STPG2: variants seen among roughly 807,000 people sequenced by gnomAD.
STPG2 encodes the protein sperm-tail PG-rich repeat-containing protein 2.
STPG2 carries 56 observed loss-of-function variants against 54.2 expected under a neutral mutation model. That is an observed-to-expected ratio of 1.03 (90% confidence interval 0.83 to 1.29). The LOEUF (loss-of-function observed/expected upper bound fraction) is 1.29, where lower values mean the gene tolerates loss of function less well. STPG2 is among the 50% of genes most tolerant of loss of function. STPG2 has a pLI of 0.00. For synonymous variants in STPG2, 200 were observed against 181.8 expected (o/e 1.10, Z -0.81); for missense variants, 596 against 544.9 (o/e 1.09, Z -0.93).
At chr4:97,540,487 C>T (rs993823092) in intron 4 of STPG2, among the ~76,000 whole-genome samples, 2 of 152,090 alleles carry the variant, frequency 1.3e-5, no homozygotes, top group South Asian at 4.1e-4. Flanking sequence ...TAATTAATAG[C>T]TTACCAACCA....
chr4:97,991,873 T>C (rs1735029024), intron 5 of STPG2, among the ~76,000 whole-genome samples: 1 of 152,218 alleles, frequency 6.6e-6, no homozygotes, highest in South Asian at 2.1e-4. Context: ...TCAGCATTTT[T>C]TCATATGTTT....
chr4:97,951,067 T>C (rs1403978898), intron 7 of STPG2, among the ~76,000 whole-genome samples: 1 of 152,170 alleles, frequency 6.6e-6, no homozygotes, highest in Non-Finnish European at 1.5e-5. Context: ...TTATCTGGTC[T>C]TGTGGCCCCC....
chr4:97,866,791 T>C (rs1729798319), intron 8 of STPG2, among the ~76,000 whole-genome samples: 2 of 151,948 alleles, frequency 1.3e-5, no homozygotes, highest in South Asian at 4.1e-4. Context: ...TTCAAATGCA[T>C]TTGTGTAAGC....
intron 9 of STPG2, among the ~76,000 whole-genome samples, chr4:97,742,348 A>AAAACTT (rs1451675040): frequency 6.6e-6 from 1 of 151,698 alleles, no homozygotes; most frequent in Non-Finnish European, 1.5e-5. Context: ...CATGTACCCT[A>AAAACTT]AAACTTAAAG....
At chr4:97,506,983 T>A (rs1177727136) in intron 4 of STPG2, among the ~76,000 whole-genome samples, 1 of 151,976 alleles carries the variant, frequency 6.6e-6, no homozygotes, top group Non-Finnish European at 1.5e-5. Context: ...AAGACTTGAA[T>A]TTTTTTACAA....
chr4:97,855,024 T>C (rs571322466), intron 8 of STPG2, among the ~76,000 whole-genome samples: 2 of 152,268 alleles, frequency 1.3e-5, no homozygotes, highest in East Asian at 3.9e-4. Context: ...GTTCTAGGGG[T>C]AGATTGCTGA....
intron 5 of STPG2, among the ~76,000 whole-genome samples, chr4:98,002,998 T>A (rs1735459110): frequency 6.6e-6 from 1 of 152,090 alleles, no homozygotes; most frequent in Non-Finnish European, 1.5e-5. Flanking sequence ...TGCAACTCAA[T>A]GGTGGGCAGC....
chr4:97,454,795 G>A (rs1342472639), intron 4 of STPG2, among the ~76,000 whole-genome samples: 1 of 151,726 alleles, frequency 6.6e-6, no homozygotes, highest in Non-Finnish European at 1.5e-5. Context: ...TATTTATGTT[G>A]TTGTTTTATA....
chr4:97,549,567 G>T (rs1012495893), intron 4 of STPG2, among the ~76,000 whole-genome samples: 3 of 152,126 alleles, frequency 2.0e-5, no homozygotes, highest in Admixed American at 6.5e-5. Context: ...TGTGAAATCG[G>T]CCTTATTTGG....
At chr4:97,547,809 C>T (rs886293859) in intron 4 of STPG2, among the ~76,000 whole-genome samples, 8 of 152,106 alleles carry the variant, frequency 5.3e-5, no homozygotes, top group Non-Finnish European at 1.0e-4. Context: ...TTGTCATACT[C>T]TAATTCGAGG....
intron 9 of STPG2, among the ~76,000 whole-genome samples, chr4:97,732,298 C>T (rs896113316): frequency 4.6e-5 from 7 of 152,110 alleles, no homozygotes; most frequent in African/African-American, 1.7e-4. Flanking sequence ...TGTTGTCTTC[C>T]AGAATGCTTA....
chr4:97,876,360 A>C (rs2149160304), intron 8 of STPG2, among the ~76,000 whole-genome samples: 1 of 152,206 alleles, frequency 6.6e-6, no homozygotes, highest in South Asian at 2.1e-4. Flanking sequence ...GAAATGCTCA[A>C]ATGTGCAAAT....
At chr4:98,084,351 C>T (rs573275327) in intron 5 of STPG2, among the ~76,000 whole-genome samples, 7 of 152,122 alleles carry the variant, frequency 4.6e-5, no homozygotes, top group African/African-American at 1.7e-4. Context: ...TTATCCATTC[C>T]CCTACTGATT....
At chr4:98,020,751 G>A (rs1736154161) in intron 5 of STPG2, among the ~76,000 whole-genome samples, 1 of 152,178 alleles carries the variant, frequency 6.6e-6, no homozygotes, top group Non-Finnish European at 1.5e-5. Flanking sequence ...TCTTAGGAAG[G>A]TGTATGTGTC....
In STPG2 at chr4:97,954,137, C is replaced by G. The variant is rs981792251; in HGVS notation, c.934-10130G>C. The stretch of plus-strand genomic sequence containing the variant: ...AATTACTTATTGGATGGCTTTGGCT[C>G]TAGAGGAAATGAGTAGTTTACAAAA... On this transcript the variant is annotated intron_variant, in intron 7 of 10. Coordinates refer to ENST00000295268, the MANE Select transcript of STPG2 (RefSeq NM_174952.3). Among the ~76,000 whole-genome samples the G allele has an allele frequency of 3.0e-4, 45 of 152,078 alleles. 1 individual carries two copies. Among genetic ancestry groups the G allele is most frequent in the Non-Finnish European group, 4.9e-4 (33 of 68,020 alleles).
At chr4:97,750,655 T>G (rs1158557899) in intron 9 of STPG2, among the ~76,000 whole-genome samples, 1 of 151,702 alleles carries the variant, frequency 6.6e-6, no homozygotes, top group Admixed American at 6.6e-5. Flanking sequence ...TTCATGTAAA[T>G]GACTGCTAGG....
chr4:97,570,435 G>A (rs1334743167), intron 10 of STPG2, among the ~76,000 whole-genome samples: 1 of 152,020 alleles, frequency 6.6e-6, no homozygotes, highest in Non-Finnish European at 1.5e-5. Context: ...CAACTAACAA[G>A]AAGACACAGG....
intron 5 of STPG2, among the ~76,000 whole-genome samples, chr4:98,053,397 T>G (rs1185036833): frequency 6.6e-6 from 1 of 152,096 alleles, no homozygotes; most frequent in African/African-American, 2.4e-5. Flanking sequence ...GCTTAGAGTA[T>G]AGGCATAGTC....
chr4:98,068,929 A>G (rs1162279588), intron 5 of STPG2, among the ~76,000 whole-genome samples: 1 of 152,072 alleles, frequency 6.6e-6, no homozygotes, highest in African/African-American at 2.4e-5. Context: ...GTACAGTAAA[A>G]ATACAGTATT....
Sources: allele counts gnomAD v4.1 joint callset (sites outside exome capture counted in the v4.1 genomes callset), GRCh38; gene constraint gnomAD v4.1.1; transcripts MANE v1.5; gene names NCBI Gene and HGNC (gene_info 2026-07-23, HGNC 2026-07-21).